CDC20B: variants seen among roughly 807,000 people sequenced by gnomAD.
CDC20B encodes the protein cell division cycle protein 20 homolog B.
A neutral mutation model predicts 64.1 loss-of-function variants in CDC20B; 58 were observed. That is an observed-to-expected ratio of 0.90 (90% confidence interval 0.73 to 1.13). CDC20B has a LOEUF of 1.13. Ranked by LOEUF, CDC20B falls within the 50% of genes most tolerant of loss-of-function variation. CDC20B has a pLI of 0.00. For synonymous variants in CDC20B, 243 were observed against 230.6 expected (o/e 1.05, Z -0.49); for missense variants, 597 against 633.0 (o/e 0.94, Z 0.61).
chr5:55,137,461 C>T lies in CDC20B; in HGVS notation c.580+2853G>A, dbSNP rs142066315. 3.6e-5 allele frequency: 16 copies of T among 442,784 alleles called. No homozygotes were observed. In the East Asian group the frequency reaches 6.3e-4, roughly 17 times the overall value. The allele number at this position is 442,784 out of a possible 1,614,324, so 27.4% of individuals were successfully genotyped here. ...ACAGCATTTGGATAACATTTGTCCC[C>T]GTGATCCACTGATGAGCAATTACTT... On this transcript the variant is annotated intron_variant, in intron 5 of 11. Transcript: ENST00000381375.
intron 2 of CDC20B, chr5:55,161,387 A>C: frequency 2.3e-6 from 2 of 854,560 alleles, no homozygotes; most frequent in Non-Finnish European, 3.6e-6. Flanking sequence ...TCAAAGAGCC[A>C]GAATCTCATC....
At chr5:55,170,646 A>T (rs764053742) in intron 2 of CDC20B, 4 of 534,704 alleles carry the variant, frequency 7.5e-6, no homozygotes, top group Non-Finnish European at 1.5e-5. Flanking sequence ...TTCATTGACA[A>T]GAAGAATTTA....
chr5:55,140,793 G>A (rs1580350460), intron 4 of CDC20B, among the ~76,000 whole-genome samples: 1 of 152,224 alleles, frequency 6.6e-6, no homozygotes, highest in South Asian at 2.1e-4. Context: ...CACCTTCACA[G>A]AGCTCTTAAG....
chr5:55,167,009 A>G lies in CDC20B; in HGVS notation c.126+5579T>C, dbSNP rs547198310. ...TGCACCACTGCACTCCAACCTGGGC[A>G]ACAGAGCGAGACCCCATCTTAAAGA... On this transcript the variant is annotated intron_variant, in intron 2 of 11. Transcript: ENST00000381375. 9.2e-5 allele frequency: 14 copies of G among 152,314 alleles called. No individual in the cohort carries two copies. In the East Asian group the frequency reaches 2.7e-3, roughly 29 times the overall value. 9.4% of individuals were successfully genotyped at this position (152,314 alleles called of 1,614,324 possible).
intron 2 of CDC20B, among the ~76,000 whole-genome samples, chr5:55,149,116 G>A (rs187260935): frequency 5.9e-5 from 9 of 152,340 alleles, no homozygotes; most frequent in Non-Finnish European, 1.0e-4. Context: ...CTGCTCTGCT[G>A]CCATCAGAAA....
chr5:55,140,502 A>T, intron 4 of CDC20B, 95 bp from the exon 5 acceptor site: 2 of 731,818 alleles, frequency 2.7e-6, no homozygotes, highest in Non-Finnish European at 2.2e-6. Context: ...CTGGTAATTC[A>T]CTAAGGAGTT....
intron 2 of CDC20B, chr5:55,161,051 G>C: frequency 6.2e-7 from 1 of 1,614,046 alleles, no homozygotes; most frequent in Non-Finnish European, 8.5e-7. Flanking sequence ...AAATTACTTA[G>C]GGCTGAAGGA....
At chr5:55,144,396 A>G (rs1743416481) in intron 3 of CDC20B, among the ~76,000 whole-genome samples, 1 of 152,198 alleles carries the variant, frequency 6.6e-6, no homozygotes, top group African/African-American at 2.4e-5. Context: ...AATATCTGCC[A>G]TATCACTTGT....
At chr5:55,136,787 T>G (rs1474129973) in intron 5 of CDC20B, 1 of 152,064 alleles carries the variant, frequency 6.6e-6, no homozygotes, top group East Asian at 1.9e-4. Context: ...GAATTCTGGC[T>G]CCCAAACAAT....
chr5:55,161,781 T>C (rs953787227), intron 2 of CDC20B, among the ~76,000 whole-genome samples: 1 of 152,226 alleles, frequency 6.6e-6, no homozygotes, highest in African/African-American at 2.4e-5. Flanking sequence ...GCAGTAGTGT[T>C]AGGCTATTTC....
intron 8 of CDC20B, among the ~76,000 whole-genome samples, chr5:55,125,237 A>C (rs1288206867): frequency 6.6e-6 from 1 of 152,170 alleles, no homozygotes; most frequent in African/African-American, 2.4e-5. Context: ...GCAGAGTTTG[A>C]AGTCTAGATT....
At chr5:55,123,952 T>A (rs563050931) in intron 9 of CDC20B, among the ~76,000 whole-genome samples, 1 of 152,294 alleles carries the variant, frequency 6.6e-6, no homozygotes, top group Admixed American at 6.5e-5. Context: ...GTAATAACTT[T>A]TAAATCCTCT....
rs1743757202 is a variant in CDC20B, at chr5:55,154,463, G to A, written c.127-7607C>T. On this transcript the variant is annotated intron_variant, in intron 2 of 11. Coordinates refer to ENST00000381375, the MANE Select transcript of CDC20B (RefSeq NM_001170402.1). Reference sequence around the variant, plus strand: ...TCCTGGGAGGTCGACGCTGCAGTGAGCCATGATCATGCCACTGCACTGCAG... The same window carrying A: ...TCCTGGGAGGTCGACGCTGCAGTGAACCATGATCATGCCACTGCACTGCAG... Among the ~76,000 whole-genome samples, 3 of 152,178 alleles carry A rather than the reference G, an allele frequency of 2.0e-5. No individual in the cohort carries two copies. The South Asian group carries it at 6.2e-4, about 32-fold the overall frequency.
intron 2 of CDC20B, among the ~76,000 whole-genome samples, chr5:55,170,273 GAAAGACTCC>G (rs1381229193): frequency 6.6e-6 from 1 of 152,070 alleles, no homozygotes; most frequent in Non-Finnish European, 1.5e-5. Context: ...TGTCTACTCC[GAAAGACTCC>G]AAAGACTCCA....
At chr5:55,160,440 T>A in intron 2 of CDC20B, 1 of 1,487,612 alleles carries the variant, frequency 6.7e-7, no homozygotes, top group Non-Finnish European at 9.3e-7. Flanking sequence ...TTTTTCCTTG[T>A]CTCTGTTTAT....
chr5:55,140,682 T>A (rs996183727), intron 4 of CDC20B, among the ~76,000 whole-genome samples: 2 of 152,194 alleles, frequency 1.3e-5, no homozygotes, highest in Non-Finnish European at 2.9e-5. Flanking sequence ...CTTTTTTTAC[T>A]CTTCTAGCCT....
chr5:55,146,574 A>T, intron 3 of CDC20B, 54 bp downstream of exon 3: 1 of 1,232,558 alleles, frequency 8.1e-7, no homozygotes, highest in Non-Finnish European at 1.2e-6. Flanking sequence ...TCTCTCAGGA[A>T]TATATCTTTT....
intron 2 of CDC20B, among the ~76,000 whole-genome samples, chr5:55,159,741 T>G (rs1743936189): frequency 6.6e-6 from 1 of 152,196 alleles, no homozygotes; most frequent in African/African-American, 2.4e-5. Context: ...AGTAACGTCC[T>G]TCAGGGTATA....
chr5:55,172,749 CTTTTTTTTTTTTTT>C (rs70989702), intron 1 of CDC20B, 99 bp from the exon 2 acceptor site: 2 of 534,648 alleles, frequency 3.7e-6, no homozygotes, highest in Non-Finnish European at 3.1e-6. Context: ...TCAGATTACA[CTTTTTTTTTTTTTT>C]TTTTTTTTTT....
Sources: gnomAD v4.1 joint callset for allele counts (sites outside exome capture counted in the v4.1 genomes callset) on GRCh38, gnomAD v4.1.1 for gene constraint, MANE v1.5 for transcripts, NCBI Gene and HGNC (gene_info 2026-07-23, HGNC 2026-07-21) for gene names.